ADAM28: variants seen among roughly 807,000 people sequenced by gnomAD.
The protein encoded by ADAM28 is disintegrin and metalloproteinase domain-containing protein 28.
In ADAM28, 105 loss-of-function variants were observed where a neutral mutation model predicts 101.2. The observed-to-expected ratio is 1.04, with a 90% confidence interval of 0.89 to 1.22. ADAM28 has a LOEUF of 1.22. Among genes scored for constraint, ADAM28 ranks in the 50% most tolerant of loss-of-function variants. The pLI is 0.00. For synonymous variants in ADAM28, 322 were observed against 310.6 expected, an observed-to-expected ratio of 1.04 and a Z score of -0.39; for missense variants, 1,028 against 945.4, an observed-to-expected ratio of 1.09 and a Z score of -1.15.
intron 22 of ADAM28, among the ~76,000 whole-genome samples, 159 bp downstream of exon 22, chr8:24,353,991 C>CA (rs1816483113): frequency 6.6e-6 from 1 of 151,564 alleles, no homozygotes; most frequent in African/African-American, 2.4e-5. Flanking sequence ...TCGGTATGGC[C>CA]AATAATTAAA....
At chr8:24,302,778 T>TA (rs960998455) in intron 2 of ADAM28, among the ~76,000 whole-genome samples, 4 of 152,122 alleles carry the variant, frequency 2.6e-5, no homozygotes, top group African/African-American at 7.2e-5. Flanking sequence ...CACTTTTTTT[T>TA]AAAAATTATA....
At chr8:24,329,170 A>G (rs935857153) in intron 10 of ADAM28, among the ~76,000 whole-genome samples, 3 of 152,072 alleles carry the variant, frequency 2.0e-5, no homozygotes, top group African/African-American at 7.2e-5. Flanking sequence ...TGTTCATCTC[A>G]AAAGAATGAA....
In ADAM28 at chr8:24,326,978, G is replaced by A. The variant is rs537526098; in HGVS notation, c.972+343G>A. Among the ~76,000 whole-genome samples, 203 of 152,066 alleles carry A rather than the reference G, an allele frequency of 1.3e-3. 3 individuals carry two copies. Among genetic ancestry groups the A allele is most frequent in the African/African-American group, 4.7e-3 (194 of 41,516 alleles). Reference sequence around the variant, plus strand: ...AAAGCTAGAAGCATTCCTTTTGAAAGACAGCACAAGACAAGGATGCCCTTT... The same window carrying A: ...AAAGCTAGAAGCATTCCTTTTGAAAAACAGCACAAGACAAGGATGCCCTTT... On this transcript the variant is annotated intron_variant, in intron 10 of 22. Coordinates refer to ENST00000265769, the MANE Select transcript of ADAM28 (RefSeq NM_014265.6).
chr8:24,335,976 C>A, intron 14 of ADAM28: 1 of 1,056,108 alleles, frequency 9.5e-7, no homozygotes, highest in South Asian at 4.3e-5. Context: ...AACTGGGTGT[C>A]TTTTTCTTTT....
chr8:24,327,488 C>T (rs1812779728), intron 10 of ADAM28, among the ~76,000 whole-genome samples: 1 of 152,000 alleles, frequency 6.6e-6, no homozygotes, highest in South Asian at 2.1e-4. Context: ...AGATTCAGTG[C>T]TATACCCATC....
chr8:24,302,393 A>G (rs1011586298), intron 2 of ADAM28, among the ~76,000 whole-genome samples: 5 of 152,190 alleles, frequency 3.3e-5, no homozygotes, highest in Non-Finnish European at 5.9e-5. Context: ...TAGTGCCGCA[A>G]TGAACATGTG....
intron 2 of ADAM28, among the ~76,000 whole-genome samples, chr8:24,303,377 A>G (rs1243049759): frequency 6.6e-6 from 1 of 152,158 alleles, no homozygotes; most frequent in East Asian, 1.9e-4. Flanking sequence ...CAGTTCTCCC[A>G]GTACCATTTA....
chr8:24,318,897 A>G (rs997632627), intron 6 of ADAM28, among the ~76,000 whole-genome samples: 1 of 151,782 alleles, frequency 6.6e-6, no homozygotes, highest in Non-Finnish European at 1.5e-5. Context: ...CACACAATCA[A>G]TCCAGTGCTA....
At position 24,294,537 on chromosome 8, in the gene ADAM28, A is replaced by C. The variant is rs534926143; in HGVS notation, c.46+342A>C. 1.1e-4 allele frequency among the ~76,000 whole-genome samples: 16 copies of C among 152,264 alleles called. No homozygotes were observed. In the East Asian group the frequency reaches 2.3e-3, roughly 22 times the overall value. ...TTCATCAAAACCCAGCTTGTCATTT[A>C]AAGAATGGTAAAGATGTGGCAGATT... On this transcript the variant is annotated intron_variant, in intron 1 of 22. Coordinates refer to ENST00000265769, the MANE Select transcript of ADAM28 (RefSeq NM_014265.6).
In ADAM28 at chr8:24,326,059, C is replaced by A. The variant is rs531255352; in HGVS notation, c.891-495C>A. Among the ~76,000 whole-genome samples, 210 of 151,764 alleles carry A rather than the reference C, an allele frequency of 1.4e-3. 3 individuals are homozygous for A. Among genetic ancestry groups the A allele is most frequent in the African/African-American group, 4.8e-3 (201 of 41,474 alleles). On this transcript the variant is annotated intron_variant, in intron 9 of 22. Coordinates refer to ENST00000265769, the MANE Select transcript of ADAM28 (RefSeq NM_014265.6). ...ATTCAAACCCCTCTCCAGTATAAAA[C>A]TTATTTGAATAATATAAATGATCAC...
At chr8:24,343,720 T>G in intron 18 of ADAM28, 136 bp downstream of exon 18, 1 of 749,828 alleles carries the variant, frequency 1.3e-6, no homozygotes, top group Non-Finnish European at 2.1e-6. Flanking sequence ...TCCACAATAT[T>G]TATCCCCCAA....
chr8:24,355,388 A>C lies in ADAM28; in HGVS notation c.*984A>C, dbSNP rs1464866712. On this transcript the variant is annotated 3_prime_UTR_variant, in exon 23 of 23. Transcript: ENST00000265769. ...TTCACCTGCCCACTTCTAGGAAAGA[A>C]TATCCTATCTAATCTATCTATCTCA... 6.1e-4 allele frequency: 4 copies of C among 6,512 alleles called. No homozygotes were observed. The highest frequency in any genetic ancestry group is 2.6e-3 in the Non-Finnish European group (3 of 1,164). 0.4% of individuals were successfully genotyped at this position (6,512 alleles called of 1,614,324 possible).
intron 9 of ADAM28, among the ~76,000 whole-genome samples, chr8:24,325,871 C>CAAAAA (rs5890146): frequency 1.5e-3 from 31 of 20,416 alleles, no homozygotes; most frequent in South Asian, 3.1e-3. Flanking sequence ...GTACAGATAG[C>CAAAAA]AAAAAAAAAA....
chr8:24,350,981 G>A (rs1000920291), intron 19 of ADAM28, among the ~76,000 whole-genome samples: 1 of 151,370 alleles, frequency 6.6e-6, no homozygotes, highest in Non-Finnish European at 1.5e-5. Flanking sequence ...GATAAAATTT[G>A]GATTCAACAC....
chr8:24,311,958 C>T (rs373157855), intron 5 of ADAM28, among the ~76,000 whole-genome samples: 1 of 152,006 alleles, frequency 6.6e-6, no homozygotes, highest in Non-Finnish European at 1.5e-5. Context: ...AGGTTGGTCT[C>T]GAACTCCTGA....
rs1007561431 is a variant in ADAM28 at position 24,354,982 on chromosome 8, C to G, written c.*578C>G. 3 of 152,484 alleles carry G rather than the reference C, an allele frequency of 2.0e-5. No homozygotes were observed. In the Admixed American group the frequency reaches 2.0e-4, roughly 10 times the overall value. 9.4% of individuals were successfully genotyped at this position (152,484 alleles called of 1,614,324 possible). A position where few individuals can be genotyped will look rare whatever the true frequency, so the allele number is the denominator to read the frequency against. ...TCATATATATTTGTATAATTAATTA[C>G]TGGCATGGTTAAAGTGGTTTTCACT... On this transcript the variant is annotated 3_prime_UTR_variant, in exon 23 of 23. Transcript: ENST00000265769.
intron 14 of ADAM28, among the ~76,000 whole-genome samples, chr8:24,337,100 C>T (rs1302052977): frequency 1.3e-5 from 2 of 152,212 alleles, no homozygotes; most frequent in African/African-American, 2.4e-5. Context: ...AGAAAAACCT[C>T]CCTGTAAACT....
intron 1 of ADAM28, among the ~76,000 whole-genome samples, chr8:24,298,277 GAA>G (rs1243029868): frequency 7.9e-5 from 12 of 152,064 alleles, no homozygotes; most frequent in Admixed American, 3.9e-4. Flanking sequence ...ACCACTGAAA[GAA>G]AAGATAGTTC....
intron 14 of ADAM28, chr8:24,335,930 A>G: frequency 9.0e-7 from 1 of 1,109,964 alleles, no homozygotes; most frequent in Non-Finnish European, 1.1e-6. Flanking sequence ...AGGTGTGCTC[A>G]TACTAAAATT....
Sources: gnomAD v4.1 joint callset for allele counts (sites outside exome capture counted in the v4.1 genomes callset) on GRCh38, gnomAD v4.1.1 for gene constraint, MANE v1.5 for transcripts, NCBI Gene and HGNC (gene_info 2026-07-23, HGNC 2026-07-21) for gene names.